The following PPP1R12A variants were observed in gnomAD, a reference collection of about 807,000 sequenced individuals.
PPP1R12A encodes myosin binding subunit.
PPP1R12A carries 19 observed loss-of-function variants against 139.6 expected under a neutral mutation model. The observed-to-expected ratio is 0.14, with a 90% CI of 0.09 to 0.20. The LOEUF is 0.20. PPP1R12A is among the 10% of genes least tolerant of loss of function. The probability of loss-of-function intolerance (pLI) is 1.00; values close to 1 mark genes in which losing one functional copy is unlikely to be tolerated. For synonymous variants in PPP1R12A, 427 were observed against 420.6 expected, an observed-to-expected ratio of 1.02 and a Z score of -0.19; for missense variants, 925 against 1,211.5, an observed-to-expected ratio of 0.76 and a Z score of 3.51.
intron 3 of PPP1R12A, among the ~76,000 whole-genome samples, chr12:79,844,207 ACT>A (rs1860404124): frequency 6.6e-6 from 1 of 152,122 alleles, no homozygotes; most frequent in African/African-American, 2.4e-5. Flanking sequence ...GTTAGCAATC[ACT>A]GTTATCTATA....
chr12:79,852,720 A>C (rs943642830), intron 2 of PPP1R12A, among the ~76,000 whole-genome samples: 4 of 152,034 alleles, frequency 2.6e-5, no homozygotes, highest in African/African-American at 9.7e-5. Context: ...CTGGGTGGGA[A>C]TCCTGACTCT....
At chr12:79,794,316 T>G (rs1872243644) in intron 18 of PPP1R12A, among the ~76,000 whole-genome samples, 1 of 152,052 alleles carries the variant, frequency 6.6e-6, no homozygotes, top group South Asian at 2.1e-4. Context: ...TATGCACTCT[T>G]GATTCATCAA....
rs950449567 is a variant in PPP1R12A, at chr12:79,909,564, G to A, written c.237+25131C>T. Among the ~76,000 whole-genome samples the A allele has an allele frequency of 1.5e-4, 23 of 151,914 alleles. No individual in the cohort carries two copies. The South Asian group carries it at 1.9e-3, about 12-fold the overall frequency. On this transcript the variant is annotated intron_variant, in intron 1 of 24. Transcript: ENST00000450142. Reference sequence around the variant, plus strand: ...ATCCTCACCAACACAGTGAAACCCCGTCTCTACTAAAAATACAAAAATTAG... The same window carrying A: ...ATCCTCACCAACACAGTGAAACCCCATCTCTACTAAAAATACAAAAATTAG...
chr12:79,913,325 T>A (rs1377158111), intron 1 of PPP1R12A, among the ~76,000 whole-genome samples: 1 of 152,252 alleles, frequency 6.6e-6, no homozygotes, highest in Non-Finnish European at 1.5e-5. Flanking sequence ...CTATTACTTT[T>A]GTATTTCACA....
At position 79,900,697 on chromosome 12, in the gene PPP1R12A, G is replaced by T. The variant is rs368307711; in HGVS notation, c.238-27759C>A. Among the ~76,000 whole-genome samples, 28 of 152,228 alleles carry T rather than the reference G, an allele frequency of 1.8e-4. No homozygotes were observed. The East Asian group carries it at 2.7e-3, about 15-fold the overall frequency. Reference sequence around the variant, plus strand: ...TGTAACGTAATTACATGACTTTGGGGTGTATACACAACGAATTTTAAGAGG... The same window carrying T: ...TGTAACGTAATTACATGACTTTGGGTTGTATACACAACGAATTTTAAGAGG... On this transcript the variant is annotated intron_variant, in intron 1 of 24. Transcript: ENST00000450142.
intron 3 of PPP1R12A, among the ~76,000 whole-genome samples, chr12:79,839,137 G>C: frequency 6.6e-6 from 1 of 152,184 alleles, no homozygotes; most frequent in East Asian, 1.9e-4. Context: ...GAAGTCAAAG[G>C]ACATCATTTT....
At chr12:79,814,096 A>T (rs920243939) in intron 9 of PPP1R12A, among the ~76,000 whole-genome samples, 7 of 152,324 alleles carry the variant, frequency 4.6e-5, no homozygotes, top group Admixed American at 2.0e-4. Context: ...AAAAAATTTT[A>T]AAAAATACTA....
chr12:79,876,872 A>G (rs1278109284), intron 1 of PPP1R12A, among the ~76,000 whole-genome samples: 1 of 152,082 alleles, frequency 6.6e-6, no homozygotes, highest in Non-Finnish European at 1.5e-5. Context: ...CTAGCCACGC[A>G]TGGTGGCACA....
At chr12:79,863,858 G>T (rs754482852) in intron 2 of PPP1R12A, among the ~76,000 whole-genome samples, 3 of 151,972 alleles carry the variant, frequency 2.0e-5, no homozygotes, top group African/African-American at 7.2e-5. Flanking sequence ...AGAGACCTAC[G>T]AAGAGACTTA....
At chr12:79,841,488 G>C (rs1274338712) in intron 3 of PPP1R12A, among the ~76,000 whole-genome samples, 1 of 152,044 alleles carries the variant, frequency 6.6e-6, no homozygotes, top group Non-Finnish European at 1.5e-5. Context: ...TTAACACCCA[G>C]CACATAGAAC....
chr12:79,831,782 A>G (rs999793212), intron 4 of PPP1R12A, among the ~76,000 whole-genome samples: 1 of 152,204 alleles, frequency 6.6e-6, no homozygotes, highest in Non-Finnish European at 1.5e-5. Context: ...CAACATAAAG[A>G]AGCTTTGTTC....
intron 3 of PPP1R12A, among the ~76,000 whole-genome samples, chr12:79,841,773 G>A (rs990804346): frequency 6.6e-6 from 1 of 152,176 alleles, no homozygotes; most frequent in Non-Finnish European, 1.5e-5. Context: ...TTGCTAGGTT[G>A]TGATGCTTTA....
At chr12:79,869,644 G>A (rs1175836094) in intron 2 of PPP1R12A, among the ~76,000 whole-genome samples, 2 of 152,028 alleles carry the variant, frequency 1.3e-5, no homozygotes, top group African/African-American at 4.8e-5. Context: ...GGAATGTTGG[G>A]GAACTAAAAG....
chr12:79,781,756 C>T (rs962141425), intron 23 of PPP1R12A, 59 bp downstream of exon 23: 157 of 1,008,014 alleles, frequency 1.6e-4, no homozygotes, highest in Non-Finnish European at 2.2e-4. Flanking sequence ...AAAAAACCTA[C>T]CATTGTTTAC....
At chr12:79,833,214 G>A (rs924291932) in intron 3 of PPP1R12A, among the ~76,000 whole-genome samples, 1 of 151,818 alleles carries the variant, frequency 6.6e-6, no homozygotes, top group East Asian at 1.9e-4. Flanking sequence ...AGGCTGCAGC[G>A]AGCAATGATC....
chr12:79,927,468 C>T (rs1019711700), intron 1 of PPP1R12A, among the ~76,000 whole-genome samples: 15 of 152,066 alleles, frequency 9.9e-5, no homozygotes, highest in African/African-American at 3.4e-4. Context: ...AAAGTATGGG[C>T]TAGCTAAAAC....
At chr12:79,784,779 G>A (rs1870902280) in intron 22 of PPP1R12A, among the ~76,000 whole-genome samples, 1 of 152,076 alleles carries the variant, frequency 6.6e-6, no homozygotes, top group African/African-American at 2.4e-5. Flanking sequence ...TGGGACTACA[G>A]GCGCCCACCA....
intron 20 of PPP1R12A, among the ~76,000 whole-genome samples, chr12:79,789,089 A>G (rs1020688983): frequency 6.6e-6 from 1 of 152,028 alleles, no homozygotes; most frequent in African/African-American, 2.4e-5. Flanking sequence ...GGCATATGCC[A>G]CCATGCCTAA....
intron 4 of PPP1R12A, among the ~76,000 whole-genome samples, chr12:79,831,498 G>T (rs1410745210): frequency 6.6e-6 from 1 of 152,126 alleles, no homozygotes. Context: ...TGGGAGGACT[G>T]CCTGAGCCTC....
Sources: allele counts gnomAD v4.1 joint callset (sites outside exome capture counted in the v4.1 genomes callset), GRCh38; gene constraint gnomAD v4.1.1; transcripts MANE v1.5; gene names NCBI Gene and HGNC (gene_info 2026-07-23, HGNC 2026-07-21).